Variants in TRIM48 observed in about 807,000 individuals in gnomAD.
TRIM48 encodes E3 ubiquitin-protein ligase TRIM48.
Under a neutral mutation model 29.5 loss-of-function variants are expected in TRIM48, and 31 were observed. The observed-to-expected ratio is 1.05, with a 90% CI of 0.79 to 1.42. TRIM48 has a LOEUF of 1.42. Ranked by LOEUF, TRIM48 falls within the 40% of genes most tolerant of loss-of-function variation. The probability of loss-of-function intolerance (pLI) is 0.00; values close to 1 mark genes in which losing one functional copy is unlikely to be tolerated. For missense variants in TRIM48, 344 were observed against 265.0 expected, an observed-to-expected ratio of 1.30 and a Z score of -2.07; for synonymous variants, 128 against 90.6, an observed-to-expected ratio of 1.41 and a Z score of -2.34.
At chr11:55,266,377 C>G (rs2120108094) in intron 3 of TRIM48, among the ~76,000 whole-genome samples, 1 of 147,204 alleles carries the variant, frequency 6.8e-6, no homozygotes, top group Middle Eastern at 3.5e-3. Context: ...GGTATGATAG[C>G]TAATATTAGT....
intron 2 of TRIM48, 72 bp from the exon 3 acceptor site, chr11:55,265,528 C>T: frequency 1.3e-6 from 2 of 1,531,078 alleles, no homozygotes; most frequent in Non-Finnish European, 1.8e-6. Context: ...ATTCTGGGCC[C>T]CCTCCCAATG....
rs537720422 is a variant in TRIM48, at chr11:55,268,946, G to C, written c.579-296G>C. Reference sequence around the variant, plus strand: ...CAAAGATGTCAGGGGAGTCTGCCAAGAAGTGGAACTCAGAATTTCGTTTCT... The same window carrying C: ...CAAAGATGTCAGGGGAGTCTGCCAACAAGTGGAACTCAGAATTTCGTTTCT... On this transcript the variant is annotated intron_variant, in intron 4 of 5. Transcript: ENST00000417545. 4.7e-5 allele frequency among the ~76,000 whole-genome samples: 7 copies of C among 147,892 alleles called. 1 individual carries two copies. In the South Asian group the frequency reaches 1.7e-3, roughly 36 times the overall value.
chr11:55,264,691 G>C (rs2120101758), intron 1 of TRIM48, among the ~76,000 whole-genome samples: 1 of 148,196 alleles, frequency 6.7e-6, no homozygotes, highest in Admixed American at 6.8e-5. Flanking sequence ...GGAGTAGAAG[G>C]GGTTGTGAGG....
At position 55,268,655 on chromosome 11, in the gene TRIM48, A is replaced by G. The variant is rs1189685691; in HGVS notation, c.578+283A>G. Reference sequence around the variant, plus strand: ...GAAGTTTTGTTTTGTGGATGGTGAGAAAGTCACCAGAGGAAGCAGGAGAGA... The same window carrying G: ...GAAGTTTTGTTTTGTGGATGGTGAGGAAGTCACCAGAGGAAGCAGGAGAGA... On this transcript the variant is annotated intron_variant, in intron 4 of 5. Coordinates refer to ENST00000417545, the MANE Select transcript of TRIM48 (RefSeq NM_024114.5). Among the ~76,000 whole-genome samples the G allele has an allele frequency of 4.1e-5, 6 of 148,002 alleles. 1 individual carries two copies. Among genetic ancestry groups the G allele is most frequent in the Non-Finnish European group, 9.0e-5 (6 of 67,014 alleles).
chr11:55,262,305 C>A lies in TRIM48; in HGVS notation c.38C>A (p.Thr13Asn), dbSNP rs1023808131. ...RRIIVGTLQR[T>N]QRNMNSGISQ... ...ATCATTGTGGGAACCCTTCAAAGAA[C>A]CCAGCGGTGAGTGAAACTTATATTG... Residue 13 changes from threonine to asparagine, a missense_variant, in exon 1 of 6, where the codon ACC (threonine) becomes AAC (asparagine). Transcript: ENST00000417545. 25 of 1,547,240 alleles carry A rather than the reference C, an allele frequency of 1.6e-5. No homozygotes were observed. Among genetic ancestry groups the A allele is most frequent in the Admixed American group, 9.8e-5 (5 of 50,928 alleles).
intron 4 of TRIM48, 151 bp from the exon 5 acceptor site, chr11:55,269,091 A>G (rs1590623308): frequency 7.9e-7 from 1 of 1,269,152 alleles, no homozygotes; most frequent in Non-Finnish European, 1.1e-6. Flanking sequence ...GAAACTGTAA[A>G]TAGAAATTAA....
chr11:55,268,691 G>A (rs1029898236), intron 4 of TRIM48, among the ~76,000 whole-genome samples: 1 of 147,828 alleles, frequency 6.8e-6, no homozygotes, highest in Non-Finnish European at 1.5e-5. Flanking sequence ...AGTGGGGGAA[G>A]TATTTTAGCA....
At chr11:55,263,342 C>A (rs1283135105) in intron 1 of TRIM48, among the ~76,000 whole-genome samples, 3 of 151,958 alleles carry the variant, frequency 2.0e-5, no homozygotes, top group South Asian at 2.1e-4. Flanking sequence ...AAGGTAGATT[C>A]TATCATGTCA....
At position 55,269,330 on chromosome 11, in the gene TRIM48, C is replaced by A. The variant is rs777138836; in HGVS notation, c.667C>A (p.Gln223Lys). ...CACTGGACTGAGGGACAGGCTCAACCAATTCTGAGGTAAGTCTCCACCCAC... is the reference window on the plus strand; with the variant it reads ...CACTGGACTGAGGGACAGGCTCAACAAATTCTGAGGTAAGTCTCCACCCAC... ...PITGLRDRLN[Q>K]F The change falls in exon 5 of 6, where the codon CAA (glutamine) becomes AAA (lysine). Residue 223 changes from glutamine (Q) to lysine (K), a missense_variant. Physicochemically the swap from Gln to Lys is moderately conservative, Grantham distance 53. Transcript: ENST00000417545. 3.2e-6 allele frequency: 5 copies of A among 1,575,220 alleles called. 1 individual carries two copies. Among genetic ancestry groups the A allele is most frequent in the Non-Finnish European group, 3.4e-6 (4 of 1,165,978 alleles).
intron 1 of TRIM48, among the ~76,000 whole-genome samples, chr11:55,262,987 G>A (rs1264479861): frequency 6.6e-6 from 1 of 152,040 alleles, no homozygotes; most frequent in Non-Finnish European, 1.5e-5. Flanking sequence ...AAATAAAGGA[G>A]AGTAACGAAA....
Position 55,262,306 on chromosome 11 carries a change from C to T in TRIM48, c.39C>T (p.Thr13=), listed in dbSNP as rs1426830887. 4 of 1,547,034 alleles carry T rather than the reference C, an allele frequency of 2.6e-6. No individual in the cohort carries two copies. The East Asian group carries it at 9.8e-5, about 38-fold the overall frequency. Residue 13 remains threonine, a synonymous_variant, in exon 1 of 6, where the codon ACC becomes ACT. Transcript: ENST00000417545. ...TCATTGTGGGAACCCTTCAAAGAAC[C>T]CAGCGGTGAGTGAAACTTATATTGA... The part of the protein sequence containing the change: ...RRIIVGTLQR[T]QRNMNSGISQ...
Position 55,267,703 on chromosome 11 carries a change from C to T in TRIM48, c.556-647C>T. On this transcript the variant is annotated intron_variant, in intron 3 of 5. Transcript: ENST00000417545. The stretch of plus-strand genomic sequence containing the variant: ...ACATGTATAAGTATTTTCCTCATGG[C>T]TGAAATCCATCTCCCTACCTTTATT... 9.1e-6 allele frequency: 14 copies of T among 1,535,832 alleles called. 1 individual carries two copies. The highest frequency in any genetic ancestry group is 1.1e-5 in the Non-Finnish European group (13 of 1,140,880).
chr11:55,263,664 A>G (rs552150833), intron 1 of TRIM48, among the ~76,000 whole-genome samples: 2 of 152,242 alleles, frequency 1.3e-5, no homozygotes, highest in African/African-American at 4.8e-5. Context: ...CCCACCTCAG[A>G]AAGTAAATAA....
At chr11:55,265,549 T>C (rs781469192) in intron 2 of TRIM48, 51 bp from the exon 3 acceptor site, 1 of 1,557,930 alleles carries the variant, frequency 6.4e-7, no homozygotes, top group Non-Finnish European at 8.7e-7. Context: ...AAACGGTCTG[T>C]ATGTTACTTT....
intron 3 of TRIM48, chr11:55,267,446 T>C (rs1857410691): frequency 6.3e-7 from 1 of 1,578,686 alleles, no homozygotes; most frequent in African/African-American, 1.4e-5. Context: ...TAAAGCTGAG[T>C]ATCAGAAGAT....
chr11:55,270,781 G>T lies in TRIM48; in HGVS notation c.*346G>T, dbSNP rs1857472582. 1 of 1,574,840 alleles carries T rather than the reference G, an allele frequency of 6.3e-7. No homozygotes were observed. The highest frequency in any genetic ancestry group is 1.7e-5 in the Admixed American group (1 of 58,308). On this transcript the variant is annotated 3_prime_UTR_variant, in exon 6 of 6. Transcript: ENST00000417545. ...CACCTCCCCAATTACACTGCAGTAT[G>T]TCCCAAGACCTACCAACCATGTAGA...
chr11:55,262,165 A>C lies in TRIM48; in HGVS notation c.-103A>C. 1.1e-6 allele frequency: 1 copy of C among 881,434 alleles called. No homozygotes were observed. Among genetic ancestry groups the C allele is most frequent in the Admixed American group, 2.1e-5 (1 of 46,842 alleles). 54.6% of individuals were successfully genotyped at this position (881,434 alleles called of 1,614,324 possible). ...AGAAGAGACAAGCTCAGTTTTCTCCAAAGGAGAAGGAGTGCACTTAGAGGG... is the reference window on the plus strand; with the variant it reads ...AGAAGAGACAAGCTCAGTTTTCTCCCAAGGAGAAGGAGTGCACTTAGAGGG... On this transcript the variant is annotated 5_prime_UTR_variant, in exon 1 of 6. Transcript: ENST00000417545.
At position 55,268,488 on chromosome 11, in the gene TRIM48, T is replaced by C. The variant is rs1341587992; in HGVS notation, c.578+116T>C. ...GATATTGATACTATTTTTTTTTGCA[T>C]CTTCTTTCATTCCCACACCAGAAAA... On this transcript the variant is annotated intron_variant, in intron 4 of 5. Coordinates refer to ENST00000417545, the MANE Select transcript of TRIM48 (RefSeq NM_024114.5). 4.9e-6 allele frequency: 5 copies of C among 1,027,158 alleles called. 1 individual carries two copies. Among genetic ancestry groups the C allele is most frequent in the South Asian group, 3.3e-5 (2 of 59,838 alleles). 63.6% of individuals were successfully genotyped at this position (1,027,158 alleles called of 1,614,324 possible). A position where few individuals can be genotyped will look rare whatever the true frequency, so the allele number is the denominator to read the frequency against.
Position 55,264,927 on chromosome 11 carries a change from C to A in TRIM48, c.72C>A (p.Val24=). ...QRNMNSGISQ[V]FQRELTCPIC... ...ACATGAATTCTGGAATCTCGCAAGT[C>A]TTCCAGAGGGAACTCACCTGCCCCA... Residue 24 remains valine, a synonymous_variant, in exon 2 of 6, where the codon GTC becomes GTA. Transcript: ENST00000417545. 1.9e-6 allele frequency: 3 copies of A among 1,583,744 alleles called. 1 individual carries two copies. Among genetic ancestry groups the A allele is most frequent in the East Asian group, 4.8e-5 (2 of 41,438 alleles).
Sources: allele counts gnomAD v4.1 joint callset (sites outside exome capture counted in the v4.1 genomes callset), GRCh38; gene constraint gnomAD v4.1.1; transcripts MANE v1.5; gene names NCBI Gene and HGNC (gene_info 2026-07-23, HGNC 2026-07-21).